GALNT8: variants seen among roughly 807,000 people sequenced by gnomAD.
The protein encoded by GALNT8 is polypeptide N-acetylgalactosaminyltransferase 8, also known as probable polypeptide N-acetylgalactosaminyltransferase 8.
GALNT8 carries 66 observed loss-of-function variants against 62.7 expected under a neutral mutation model. The observed-to-expected ratio is 1.05, with a 90% CI of 0.86 to 1.29. The LOEUF (loss-of-function observed/expected upper bound fraction) is 1.29. Ranked by LOEUF, GALNT8 falls within the 50% of genes most tolerant of loss-of-function variation. The pLI, the probability that GALNT8 is intolerant of heterozygous loss-of-function variation, is 0.00. For missense variants in GALNT8, 771 were observed against 791.8 expected (o/e 0.97, Z 0.32); for synonymous variants, 288 against 294.3 (o/e 0.98, Z 0.22).
At chr12:4,770,306 G>GAAAAAAAAAAAAAA (rs1251278189) in intron 10 of GALNT8, among the ~76,000 whole-genome samples, 1 of 100,014 alleles carries the variant, frequency 1.0e-5, no homozygotes, top group Non-Finnish European at 2.2e-5. Flanking sequence ...TGTCTCAAAA[G>GAAAAAAAAAAAAAA]AAAAAAAAAA....
chr12:4,746,022 A>G (rs1349647183), intron 5 of GALNT8, 122 bp from the exon 6 acceptor site: 2 of 639,908 alleles, frequency 3.1e-6, no homozygotes, highest in Admixed American at 5.3e-5. Context: ...GAGTTTAGGG[A>G]AGGCCTTCAT....
At chr12:4,731,498 C>T (rs1373072146) in intron 2 of GALNT8, among the ~76,000 whole-genome samples, 1 of 152,152 alleles carries the variant, frequency 6.6e-6, no homozygotes, top group Non-Finnish European at 1.5e-5. Flanking sequence ...CCTGATTGCT[C>T]TCGCTAGGAC....
At chr12:4,739,077 C>A in intron 2 of GALNT8, 86 bp from the exon 3 acceptor site, 1 of 816,998 alleles carries the variant, frequency 1.2e-6, no homozygotes, top group Non-Finnish European at 1.9e-6. Flanking sequence ...GTCGATATAA[C>A]ATCATACAGA....
intron 3 of GALNT8, among the ~76,000 whole-genome samples, chr12:4,739,630 A>G (rs1946262376): frequency 6.6e-6 from 1 of 150,974 alleles, no homozygotes; most frequent in East Asian, 1.9e-4. Context: ...TGTACCTCCA[A>G]ATCTACCTGT....
At chr12:4,745,351 C>T in intron 4 of GALNT8, 78 bp from the exon 5 acceptor site, 5 of 913,382 alleles carry the variant, frequency 5.5e-6, no homozygotes, top group South Asian at 4.0e-5. Context: ...GGGCAAGGTG[C>T]TTGGAACAGC....
At chr12:4,724,484 G>C (rs1946185622) in intron 1 of GALNT8, among the ~76,000 whole-genome samples, 1 of 152,224 alleles carries the variant, frequency 6.6e-6, no homozygotes, top group Non-Finnish European at 1.5e-5. Flanking sequence ...ATAGCCATGA[G>C]TGAAAGAGAA....
At chr12:4,728,011 C>T (rs1381615703) in intron 2 of GALNT8, among the ~76,000 whole-genome samples, 1 of 152,164 alleles carries the variant, frequency 6.6e-6, no homozygotes, top group African/African-American at 2.4e-5. Flanking sequence ...GATTTTTCCA[C>T]ATACTCACTA....
intron 7 of GALNT8, 50 bp downstream of exon 7, chr12:4,761,193 T>A: frequency 1.3e-6 from 2 of 1,519,472 alleles, no homozygotes; most frequent in Non-Finnish European, 1.8e-6. Context: ...GAGGAGGAGG[T>A]GGCGGTTATG....
intron 2 of GALNT8, among the ~76,000 whole-genome samples, chr12:4,731,029 T>C (rs1403217756): frequency 6.6e-6 from 1 of 152,086 alleles, no homozygotes; most frequent in Non-Finnish European, 1.5e-5. Context: ...TTTGTATTTT[T>C]AGTAGAGACG....
intron 6 of GALNT8, among the ~76,000 whole-genome samples, chr12:4,754,851 G>A (rs889422528): frequency 1.3e-5 from 2 of 152,186 alleles, no homozygotes; most frequent in Non-Finnish European, 2.9e-5. Context: ...TCAAGGCAGC[G>A]AGCTCCCTTC....
chr12:4,745,229 G>A (rs546212480), intron 4 of GALNT8, among the ~76,000 whole-genome samples, 200 bp from the exon 5 acceptor site: 2 of 152,140 alleles, frequency 1.3e-5, no homozygotes, highest in African/African-American at 4.8e-5. Context: ...TCTCGATGCG[G>A]GTTGGCTTCT....
chr12:4,728,151 A>G (rs546178686), intron 2 of GALNT8, among the ~76,000 whole-genome samples: 3 of 152,096 alleles, frequency 2.0e-5, no homozygotes, highest in East Asian at 1.9e-4. Flanking sequence ...GCTATTGGCC[A>G]TATGTATGTC....
intron 6 of GALNT8, among the ~76,000 whole-genome samples, chr12:4,755,912 T>C (rs987080264): frequency 1.3e-5 from 2 of 152,182 alleles, no homozygotes; most frequent in Non-Finnish European, 2.9e-5. Flanking sequence ...CCACATGTGT[T>C]CACTCTGGGG....
chr12:4,756,966 G>A (rs1214629457), intron 6 of GALNT8, among the ~76,000 whole-genome samples: 1 of 152,164 alleles, frequency 6.6e-6, no homozygotes, highest in Admixed American at 6.5e-5. Flanking sequence ...ATTGGATCAT[G>A]TCGGGGGGGT....
At chr12:4,769,953 G>T (rs1460126542) in intron 10 of GALNT8, among the ~76,000 whole-genome samples, 1 of 152,048 alleles carries the variant, frequency 6.6e-6, no homozygotes, top group East Asian at 1.9e-4. Context: ...AAGTGAAAAA[G>T]AAACAAAAAG....
rs1565381460 is a variant in GALNT8 at position 4,726,407 on chromosome 12, G to A, written c.212-125G>A. Reference sequence around the variant, plus strand: ...TGACATACTACATCCTCTGTGACAAGAGCTTATAAGTTTTAAGATGTAGTG... The same window carrying A: ...TGACATACTACATCCTCTGTGACAAAAGCTTATAAGTTTTAAGATGTAGTG... On this transcript the variant is annotated intron_variant, in intron 1 of 10. Coordinates refer to ENST00000252318, the MANE Select transcript of GALNT8 (RefSeq NM_017417.2). The surrounding 1 kb of genome is among the most constrained non-coding windows in gnomAD (Gnocchi z 4.1). 1 of 671,418 alleles carries A rather than the reference G, an allele frequency of 1.5e-6. No individual in the cohort carries two copies. Among genetic ancestry groups the A allele is most frequent in the Non-Finnish European group, 2.5e-6 (1 of 397,190 alleles). The allele number at this position is 671,418 out of a possible 1,614,324, so 41.6% of individuals were successfully genotyped here.
chr12:4,737,853 A>G (rs1946252643), intron 2 of GALNT8, among the ~76,000 whole-genome samples: 1 of 152,128 alleles, frequency 6.6e-6, no homozygotes, highest in African/African-American at 2.4e-5. Flanking sequence ...GCCATGTTAT[A>G]ATGCAGCATG....
chr12:4,739,355 T>C, intron 3 of GALNT8, 26 bp downstream of exon 3: 1 of 1,592,958 alleles, frequency 6.3e-7, no homozygotes. Flanking sequence ...AAAGAATAAT[T>C]GTAAAAATGA....
At chr12:4,739,942 C>G (rs905359424) in intron 3 of GALNT8, among the ~76,000 whole-genome samples, 1 of 152,166 alleles carries the variant, frequency 6.6e-6, no homozygotes. Context: ...GCTGAGATTA[C>G]AGGCGTGAGC....
Sources: gnomAD v4.1 joint callset for allele counts (sites outside exome capture counted in the v4.1 genomes callset) on GRCh38, gnomAD v4.1.1 for gene constraint, Gnocchi (gnomAD v3.1) non-coding constraint, MANE v1.5 for transcripts, NCBI Gene and HGNC (gene_info 2026-07-23, HGNC 2026-07-21) for gene names.